The following SHISA9 variants were observed in gnomAD, a reference collection of about 807,000 sequenced individuals.
SHISA9 encodes protein shisa-9.
SHISA9 carries 13 observed loss-of-function variants against 38.0 expected under a neutral mutation model. The observed-to-expected ratio is 0.34, with a 90% confidence interval of 0.22 to 0.54. The LOEUF (loss-of-function observed/expected upper bound fraction) is 0.54. Among genes scored for constraint, SHISA9 ranks in the 20% least tolerant of loss-of-function variants. The pLI is 0.91. For synonymous variants in SHISA9, 275 were observed against 242.0 expected (o/e 1.14, Z -1.27); for missense variants, 538 against 575.8 (o/e 0.93, Z 0.67).
intron 2 of SHISA9, among the ~76,000 whole-genome samples, chr16:13,092,302 C>G (rs1395932676): frequency 1.3e-5 from 2 of 152,216 alleles, no homozygotes; most frequent in Non-Finnish European, 2.9e-5. Flanking sequence ...AGGATGCAGT[C>G]TGTCTGTTCT....
In SHISA9 at chr16:13,091,205, G is replaced by A. The variant is rs990610806; in HGVS notation, c.692-112189G>A. ...ATGGGCTTCCCTTTGTGGGTAACTC[G>A]ACCTTTCTCTCTGGCTGCCCTTAAC... On this transcript the variant is annotated intron_variant, in intron 2 of 4. Coordinates refer to ENST00000558583, the MANE Select transcript of SHISA9 (RefSeq NM_001145204.3). Among the ~76,000 whole-genome samples, 8 of 152,274 alleles carry A rather than the reference G, an allele frequency of 5.3e-5. No individual in the cohort carries two copies. The East Asian group carries it at 1.3e-3, about 26-fold the overall frequency.
chr16:13,320,292 CAAAAA>C, the SHISA9 span, among the ~76,000 whole-genome samples: 21 of 38,992 alleles, frequency 5.4e-4, no homozygotes, highest in South Asian at 2.8e-3. Flanking sequence ...GACTCTGTCT[CAAAAA>C]AAAAAAAAAA....
At chr16:13,217,974 G>GAGCCAAGAACATGCCACTGCACTC (rs2051186791) in intron 4 of SHISA9, among the ~76,000 whole-genome samples, 4 of 141,212 alleles carry the variant, frequency 2.8e-5, no homozygotes, top group Non-Finnish European at 4.6e-5. Context: ...AGGCTGCAGT[G>GAGCCAAGAACATGCCACTGCACTC]AGCCAAGAAC....
At chr16:12,954,019 TGA>T (rs2071795684) in intron 2 of SHISA9, among the ~76,000 whole-genome samples, 1 of 152,108 alleles carries the variant, frequency 6.6e-6, no homozygotes, top group South Asian at 2.1e-4. Flanking sequence ...GATTACAATT[TGA>T]GATGAGATTT....
the SHISA9 span, among the ~76,000 whole-genome samples, chr16:13,335,246 G>T: frequency 6.6e-6 from 1 of 152,214 alleles, no homozygotes; most frequent in Non-Finnish European, 1.5e-5. Flanking sequence ...AAGAGGATTA[G>T]TTAGGTGAGA....
chr16:13,445,002 ATATATATATATATATATATATATATATG>A, the SHISA9 span, among the ~76,000 whole-genome samples: 1,091 of 28,328 alleles, frequency 0.039, 30 homozygotes, highest in African/African-American at 0.14. Context: ...ATATATATAT[ATATATATATATATATATATATATATATG>A]TTGTATTTTT....
At chr16:13,511,764 A>T in the SHISA9 span, among the ~76,000 whole-genome samples, 5 of 152,242 alleles carry the variant, frequency 3.3e-5, no homozygotes, top group Admixed American at 2.6e-4. Context: ...CACAGGGAAG[A>T]GTACAAAAAA....
At chr16:13,437,167 G>A in the SHISA9 span, among the ~76,000 whole-genome samples, 1 of 151,888 alleles carries the variant, frequency 6.6e-6, no homozygotes. Context: ...AAAAATTAGG[G>A]ATCTTTGGTT....
the SHISA9 span, among the ~76,000 whole-genome samples, chr16:13,431,832 G>A: frequency 2.6e-5 from 4 of 152,116 alleles, no homozygotes; most frequent in Admixed American, 1.3e-4. Context: ...AGGCTGAGGC[G>A]GGCGGATCAC....
chr16:13,332,009 G>A, the SHISA9 span: 1 of 152,078 alleles, frequency 6.6e-6, no homozygotes, highest in African/African-American at 2.4e-5. Context: ...TTAGAAATTA[G>A]ATGGAGATAT....
intron 2 of SHISA9, among the ~76,000 whole-genome samples, chr16:12,930,289 A>C (rs539964843): frequency 1.3e-5 from 2 of 152,174 alleles, no homozygotes; most frequent in Non-Finnish European, 2.9e-5. Flanking sequence ...TTCTTTGTCA[A>C]TTCATTGGGA....
At chr16:13,221,190 C>T (rs1211483608) in intron 4 of SHISA9, among the ~76,000 whole-genome samples, 1 of 152,162 alleles carries the variant, frequency 6.6e-6, no homozygotes, top group Non-Finnish European at 1.5e-5. Context: ...CCAGATGCCC[C>T]GTGCTTCTTT....
At chr16:13,455,974 G>A in the SHISA9 span, among the ~76,000 whole-genome samples, 1 of 152,134 alleles carries the variant, frequency 6.6e-6, no homozygotes, top group East Asian at 1.9e-4. Context: ...CACTTAATGA[G>A]GAGATAAAAC....
At chr16:13,072,370 G>A (rs1264263643) in intron 2 of SHISA9, among the ~76,000 whole-genome samples, 3 of 152,202 alleles carry the variant, frequency 2.0e-5, no homozygotes, top group Admixed American at 1.3e-4. Flanking sequence ...GTAGCTTGGT[G>A]GTGGGGAGTG....
At chr16:13,304,400 C>T in the SHISA9 span, among the ~76,000 whole-genome samples, 2 of 152,198 alleles carry the variant, frequency 1.3e-5, no homozygotes, top group African/African-American at 4.8e-5. Flanking sequence ...TCTGTGATTA[C>T]AGACATGCAT....
chr16:13,315,245 T>A, the SHISA9 span, among the ~76,000 whole-genome samples: 8 of 152,238 alleles, frequency 5.3e-5, no homozygotes, highest in Non-Finnish European at 1.2e-4. Context: ...GAAATTTCTC[T>A]GAACCTACCT....
intron 2 of SHISA9, among the ~76,000 whole-genome samples, chr16:12,995,152 T>C (rs2072442627): frequency 6.6e-6 from 1 of 152,136 alleles, no homozygotes; most frequent in African/African-American, 2.4e-5. Context: ...TTTTGAAACA[T>C]GTGTGCAAGG....
At chr16:13,030,041 G>A (rs949369902) in intron 2 of SHISA9, among the ~76,000 whole-genome samples, 4 of 152,242 alleles carry the variant, frequency 2.6e-5, no homozygotes, top group African/African-American at 9.6e-5. Flanking sequence ...CATATCCAGT[G>A]TTTAGCATAG....
At chr16:12,986,184 T>C (rs983328823) in intron 2 of SHISA9, among the ~76,000 whole-genome samples, 9 of 152,226 alleles carry the variant, frequency 5.9e-5, no homozygotes, top group Non-Finnish European at 1.3e-4. Context: ...CAGAACCCCA[T>C]TGAAGATAGC....
Sources: allele counts gnomAD v4.1 joint callset (sites outside exome capture counted in the v4.1 genomes callset), GRCh38; gene constraint gnomAD v4.1.1; transcripts MANE v1.5; gene names NCBI Gene and HGNC (gene_info 2026-07-23, HGNC 2026-07-21).